KIF1B: variants seen among roughly 807,000 people sequenced by gnomAD.
The protein encoded by KIF1B is kinesin family member 1B.
KIF1B carries 76 observed loss-of-function variants against 241.9 expected under a neutral mutation model. The ratio of observed to expected loss-of-function variants is 0.31; its 90% CI spans 0.26 to 0.38. The LOEUF (loss-of-function observed/expected upper bound fraction) is 0.38, where lower values mean the gene tolerates loss of function less well. Among genes scored for constraint, KIF1B ranks in the 10% least tolerant of loss-of-function variants. The pLI is 1.00. For synonymous variants in KIF1B, 750 were observed against 796.7 expected, an observed-to-expected ratio of 0.94 and a Z score of 0.99; for missense variants, 1,622 against 2,271.4, an observed-to-expected ratio of 0.71 and a Z score of 5.81.
At chr1:10,279,726 C>G (rs535176616) in intron 14 of KIF1B, among the ~76,000 whole-genome samples, 1 of 118,560 alleles carries the variant, frequency 8.4e-6, no homozygotes, top group Non-Finnish European at 1.7e-5. Context: ...TAGACAGTCT[C>G]ACTCTTGTCA....
chr1:10,323,287 C>T (rs888292517), intron 24 of KIF1B, among the ~76,000 whole-genome samples: 3 of 152,124 alleles, frequency 2.0e-5, no homozygotes, highest in African/African-American at 7.2e-5. Flanking sequence ...CTTTTGTTCT[C>T]TGGTATAAAT....
At chr1:10,275,850 C>G (rs1223367980) in intron 11 of KIF1B, among the ~76,000 whole-genome samples, 1 of 152,092 alleles carries the variant, frequency 6.6e-6, no homozygotes, top group Non-Finnish European at 1.5e-5. Context: ...AACCCTTAAT[C>G]CTCCTCGTTG....
At chr1:10,230,517 C>T (rs1175025306) in intron 1 of KIF1B, among the ~76,000 whole-genome samples, 2 of 151,078 alleles carry the variant, frequency 1.3e-5, no homozygotes, top group Non-Finnish European at 2.9e-5. Flanking sequence ...CTCACTGCAA[C>T]CTCCACCTCC....
At chr1:10,359,282 A>G (rs1487071707) in intron 38 of KIF1B, among the ~76,000 whole-genome samples, 1 of 152,218 alleles carries the variant, frequency 6.6e-6, no homozygotes, top group African/African-American at 2.4e-5. Context: ...TGTATTGGGC[A>G]GGAAAGAGTG....
At chr1:10,280,765 C>T (rs1031139338) in intron 14 of KIF1B, among the ~76,000 whole-genome samples, 2 of 152,190 alleles carry the variant, frequency 1.3e-5, no homozygotes, top group African/African-American at 4.8e-5. Flanking sequence ...TGCTTTTGTG[C>T]TCAAGGTGTT....
Position 10,258,531 on chromosome 1 carries a change from C to A in KIF1B, c.222C>A (p.Tyr74Ter). Reference protein sequence around the residue: ...DPCFASQNRVYNDIGKEMLLH... With the variant: ...DPCFASQNRV ...GTTTTGCATCTCAAAACCGTGTGTA[C>A]AATGACATTGGCAAGGAAATGCTCT... Residue 74 changes from tyrosine (Y) to a stop codon, truncating the protein, a stop_gained, in exon 4 of 49, where the codon TAC becomes TAA. Transcript: ENST00000676179. LOFTEE classifies it high-confidence loss of function. The A allele has an allele frequency of 6.2e-7, 1 of 1,614,074 alleles. No individual in the cohort carries two copies. The highest frequency in any genetic ancestry group is 8.5e-7 in the Non-Finnish European group (1 of 1,180,008).
At chr1:10,259,943 G>A (rs1035006611) in intron 4 of KIF1B, among the ~76,000 whole-genome samples, 8 of 151,906 alleles carry the variant, frequency 5.3e-5, no homozygotes, top group African/African-American at 1.7e-4. Flanking sequence ...GCCACTGTGC[G>A]GGGCCTAAAA....
At chr1:10,352,443 A>G (rs1295004074) in intron 37 of KIF1B, among the ~76,000 whole-genome samples, 188 bp from the exon 38 acceptor site, 1 of 152,228 alleles carries the variant, frequency 6.6e-6, no homozygotes, top group Non-Finnish European at 1.5e-5. Context: ...TAAAGAATCA[A>G]TATGGTTTCA....
chr1:10,291,032 G>A, intron 15 of KIF1B, 50 bp from the exon 16 acceptor site: 8 of 1,434,718 alleles, frequency 5.6e-6, no homozygotes, highest in Non-Finnish European at 7.8e-6. Context: ...AGCATGGTAT[G>A]TTAAATTATA....
chr1:10,331,684 C>T (rs979284982), intron 27 of KIF1B, among the ~76,000 whole-genome samples: 3 of 152,186 alleles, frequency 2.0e-5, no homozygotes, highest in Non-Finnish European at 4.4e-5. Context: ...ATCAGATAAA[C>T]ATGTATGTCA....
intron 2 of KIF1B, among the ~76,000 whole-genome samples, chr1:10,239,911 A>G (rs1571120703): frequency 5.3e-5 from 8 of 150,384 alleles, no homozygotes; most frequent in Admixed American, 5.3e-4. Flanking sequence ...GACTACAAGC[A>G]CCCGCCACCA....
chr1:10,249,407 T>C (rs1196657275), intron 2 of KIF1B, among the ~76,000 whole-genome samples: 1 of 152,178 alleles, frequency 6.6e-6, no homozygotes, highest in Non-Finnish European at 1.5e-5. Flanking sequence ...TTTTTCTTTT[T>C]ATGCTCTTGA....
chr1:10,256,299 C>T lies in KIF1B; in HGVS notation c.159C>T (p.Asp53=), dbSNP rs752674254. The change falls in exon 3 of 49, where the codon GAC becomes GAT. Residue 53 remains aspartate, a synonymous_variant. Transcript: ENST00000676179. ...AAGCTCCAAAGTCCTTCAGCTTCGACTATTCCTACTGGTCTCATACCTCAG... is the reference window on the plus strand; with the variant it reads ...AAGCTCCAAAGTCCTTCAGCTTCGATTATTCCTACTGGTCTCATACCTCAG... ...PKEAPKSFSF[D]YSYWSHTSPE... is the part of the protein sequence containing the mutation. 4 of 1,611,368 alleles carry T rather than the reference C, an allele frequency of 2.5e-6. No individual in the cohort carries two copies. In the South Asian group the frequency reaches 3.3e-5, roughly 13 times the overall value.
chr1:10,264,952 C>T (rs561643892), intron 5 of KIF1B, among the ~76,000 whole-genome samples: 24 of 152,170 alleles, frequency 1.6e-4, no homozygotes, highest in African/African-American at 5.8e-4. Flanking sequence ...TGAGCCACTG[C>T]GCCCGGCCTT....
At chr1:10,228,657 C>A (rs767574646) in intron 1 of KIF1B, among the ~76,000 whole-genome samples, 1 of 152,116 alleles carries the variant, frequency 6.6e-6, no homozygotes, top group Non-Finnish European at 1.5e-5. Flanking sequence ...AAAAGGCCCC[C>A]GTGTCATTCT....
chr1:10,339,668 G>A (rs1652314361), intron 31 of KIF1B, 101 bp from the exon 32 acceptor site: 4 of 945,714 alleles, frequency 4.2e-6, no homozygotes, highest in African/African-American at 1.6e-5. Context: ...CTGCTTAAGT[G>A]GAATGCTTCT....
chr1:10,334,720 A>G lies in KIF1B; in HGVS notation c.3043+82A>G, dbSNP rs867194842. 32 of 1,014,512 alleles carry G rather than the reference A, an allele frequency of 3.2e-5. No homozygotes were observed. In the Middle Eastern group the frequency reaches 2.2e-3, roughly 70 times the overall value. The allele number at this position is 1,014,512 out of a possible 1,614,324, so 62.8% of individuals were successfully genotyped here. ...GGCTGATTCTGCGTGGGTCACGCTT[A>G]TATTACACATACAAACTGTGGGGAG... On this transcript the variant is annotated intron_variant, in intron 28 of 48. Coordinates refer to ENST00000676179, the MANE Select transcript of KIF1B (RefSeq NM_001365951.3).
intron 22 of KIF1B, among the ~76,000 whole-genome samples, chr1:10,316,243 GA>G (rs1651300355): frequency 1.3e-5 from 2 of 151,232 alleles, no homozygotes; most frequent in South Asian, 4.2e-4. Flanking sequence ...CAAAAAAAAG[GA>G]AAAAGATTGC....
At chr1:10,240,839 C>T (rs1023320136) in intron 2 of KIF1B, among the ~76,000 whole-genome samples, 1 of 147,586 alleles carries the variant, frequency 6.8e-6, no homozygotes, top group Non-Finnish European at 1.5e-5. Flanking sequence ...GCTGGTATTA[C>T]AAGTGTGAAC....
Sources: allele counts gnomAD v4.1 joint callset (sites outside exome capture counted in the v4.1 genomes callset), GRCh38; gene constraint gnomAD v4.1.1; transcripts MANE v1.5; gene names NCBI Gene and HGNC (gene_info 2026-07-23, HGNC 2026-07-21).